RSPO3: variants seen among roughly 807,000 people sequenced by gnomAD.
RSPO3 encodes the protein R-spondin 3.
RSPO3 carries 17 observed loss-of-function variants against 36.5 expected under a neutral mutation model. The ratio of observed to expected loss-of-function variants is 0.47; its 90% CI spans 0.32 to 0.70. RSPO3 has a LOEUF of 0.70. RSPO3 is among the 30% of genes least tolerant of loss of function. The pLI is 0.04. For missense variants in RSPO3, 294 were observed against 322.5 expected, an observed-to-expected ratio of 0.91 and a Z score of 0.68; for synonymous variants, 108 against 107.0, an observed-to-expected ratio of 1.01 and a Z score of -0.06.
At chr6:127,130,107 T>C (rs189043791) in intron 1 of RSPO3, among the ~76,000 whole-genome samples, 1 of 152,212 alleles carries the variant, frequency 6.6e-6, no homozygotes, top group African/African-American at 2.4e-5. Context: ...AAGTAAGTGG[T>C]GCTATAATTT....
intron 1 of RSPO3, among the ~76,000 whole-genome samples, 176 bp from the exon 2 acceptor site, chr6:127,148,472 T>C (rs937628480): frequency 2.0e-5 from 3 of 151,768 alleles, no homozygotes; most frequent in Non-Finnish European, 4.4e-5. Flanking sequence ...AAACAATACA[T>C]GTGCTAAAGG....
intron 1 of RSPO3, among the ~76,000 whole-genome samples, chr6:127,130,953 C>G (rs1774039902): frequency 6.6e-6 from 1 of 152,044 alleles, no homozygotes; most frequent in Non-Finnish European, 1.5e-5. Context: ...TCATTTCATG[C>G]CATCCTCAAG....
At chr6:127,119,664 A>G (rs1161747363) in intron 1 of RSPO3, among the ~76,000 whole-genome samples, 1 of 152,234 alleles carries the variant, frequency 6.6e-6, no homozygotes, top group African/African-American at 2.4e-5. Flanking sequence ...CAGACGCAGG[A>G]TGCCTCTGAC....
intron 4 of RSPO3, among the ~76,000 whole-genome samples, chr6:127,193,394 G>A (rs1393722063): frequency 6.6e-6 from 1 of 152,176 alleles, no homozygotes; most frequent in African/African-American, 2.4e-5. Context: ...AAAACATTAT[G>A]GTTGGGATCA....
At chr6:127,162,244 T>C (rs1392471061) in intron 4 of RSPO3, among the ~76,000 whole-genome samples, 1 of 152,168 alleles carries the variant, frequency 6.6e-6, no homozygotes, top group East Asian at 1.9e-4. Flanking sequence ...ATTTTATCTC[T>C]TGGCAGGAGA....
intron 1 of RSPO3, among the ~76,000 whole-genome samples, chr6:127,128,832 G>A (rs1773994659): frequency 6.6e-6 from 1 of 152,070 alleles, no homozygotes; most frequent in South Asian, 2.1e-4. Context: ...ACAGATGCTG[G>A]CTTCATAGAA....
At chr6:127,171,208 G>T (rs923766013) in intron 4 of RSPO3, among the ~76,000 whole-genome samples, 2 of 151,814 alleles carry the variant, frequency 1.3e-5, no homozygotes, top group Admixed American at 1.3e-4. Flanking sequence ...ATCTGTATTT[G>T]ACATTCCTGT....
intron 4 of RSPO3, among the ~76,000 whole-genome samples, chr6:127,193,065 A>T (rs1216884650): frequency 2.0e-5 from 3 of 152,164 alleles, no homozygotes; most frequent in Non-Finnish European, 4.4e-5. Context: ...ATGGCCTGTA[A>T]AAAAATAACA....
Position 127,121,291 on chromosome 6 carries a change from G to C in RSPO3, c.97+2002G>C, listed in dbSNP as rs569460271. Among the ~76,000 whole-genome samples, 14 of 152,336 alleles carry C rather than the reference G, an allele frequency of 9.2e-5. No homozygotes were observed. In the South Asian group the frequency reaches 2.9e-3, roughly 32 times the overall value. On this transcript the variant is annotated intron_variant, in intron 1 of 4. Coordinates refer to ENST00000356698, the MANE Select transcript of RSPO3 (RefSeq NM_032784.5). ...GACCACGGCGCAGGAAGCTTTCCCC[G>C]GGCGCTGCCTCAGGGAGCTGTGGGA... is the stretch of plus-strand genomic sequence containing the variant.
chr6:127,147,887 A>C (rs964753447), intron 1 of RSPO3, among the ~76,000 whole-genome samples: 3 of 152,150 alleles, frequency 2.0e-5, no homozygotes, highest in African/African-American at 7.2e-5. Context: ...TATTGAACAT[A>C]AATTACCATA....
intron 4 of RSPO3, among the ~76,000 whole-genome samples, chr6:127,161,258 C>T (rs186175290): frequency 2.0e-5 from 3 of 152,130 alleles, no homozygotes; most frequent in Admixed American, 6.5e-5. Context: ...GAATTACAGC[C>T]AGCACCTTGA....
intron 3 of RSPO3, among the ~76,000 whole-genome samples, chr6:127,151,987 G>A (rs940257447): frequency 2.6e-5 from 4 of 152,034 alleles, no homozygotes; most frequent in African/African-American, 9.7e-5. Flanking sequence ...CCAGAAAAAA[G>A]GCACATATTT....
At chr6:127,172,001 T>C (rs1774946843) in intron 4 of RSPO3, among the ~76,000 whole-genome samples, 1 of 151,360 alleles carries the variant, frequency 6.6e-6, no homozygotes, top group South Asian at 2.1e-4. Flanking sequence ...TGAATGTATG[T>C]ATTGGAATAA....
rs1177715169 is a variant in RSPO3, at chr6:127,195,925, A to G, written c.737A>G (p.Glu246Gly). 2 of 1,613,452 alleles carry G rather than the reference A, an allele frequency of 1.2e-6. No homozygotes were observed. The highest frequency in any genetic ancestry group is 1.7e-6 in the Non-Finnish European group (2 of 1,179,534). The change falls in exon 5 of 5, where the codon GAG becomes GGG. Residue 246 changes from glutamate to glycine, a missense_variant. Transcript: ENST00000356698. Reference sequence around the variant, plus strand: ...CTGGAATCCAGCAAAGAAATCCCAGAGCAACGAGAAAACAAACAGCAGCAG... The same window carrying G: ...CTGGAATCCAGCAAAGAAATCCCAGGGCAACGAGAAAACAAACAGCAGCAG... ...KSLESSKEIP[E>G]QRENKQQQKK...
At chr6:127,125,078 T>C (rs1308459149) in intron 1 of RSPO3, among the ~76,000 whole-genome samples, 1 of 152,148 alleles carries the variant, frequency 6.6e-6, no homozygotes, top group Non-Finnish European at 1.5e-5. Flanking sequence ...GCATTTCTGC[T>C]TTATTTGTCA....
In RSPO3 at chr6:127,197,305, G is replaced by T; in HGVS notation, c.*1298G>T. 1 of 1,316,684 alleles carries T rather than the reference G, an allele frequency of 7.6e-7. No homozygotes were observed. The highest frequency in any genetic ancestry group is 1.0e-6 in the Non-Finnish European group (1 of 972,742). The allele number at this position is 1,316,684 out of a possible 1,614,324, so 81.6% of individuals were successfully genotyped here. ...TATAGACACATGGGCCTCCCTAGCT[G>T]ATTTCACTGCTCCCCCTTCATTGCT... On this transcript the variant is annotated 3_prime_UTR_variant, in exon 5 of 5. Coordinates refer to ENST00000356698, the MANE Select transcript of RSPO3 (RefSeq NM_032784.5).
At chr6:127,173,773 AAC>A (rs1264318735) in intron 4 of RSPO3, among the ~76,000 whole-genome samples, 3 of 151,818 alleles carry the variant, frequency 2.0e-5, no homozygotes. Context: ...GTTCTTTGGG[AAC>A]ACACAACTAT....
chr6:127,192,884 T>A (rs1052989165), intron 4 of RSPO3, among the ~76,000 whole-genome samples: 1 of 151,998 alleles, frequency 6.6e-6, no homozygotes, highest in Non-Finnish European at 1.5e-5. Flanking sequence ...CAATGAAAAG[T>A]CACCAGAATA....
intron 4 of RSPO3, among the ~76,000 whole-genome samples, chr6:127,155,903 C>T (rs1486805934): frequency 6.6e-6 from 1 of 150,758 alleles, no homozygotes; most frequent in Non-Finnish European, 1.5e-5. Flanking sequence ...CACACACACA[C>T]ACATATATAT....
Sources: gnomAD v4.1 joint callset for allele counts (sites outside exome capture counted in the v4.1 genomes callset) on GRCh38, gnomAD v4.1.1 for gene constraint, MANE v1.5 for transcripts, NCBI Gene and HGNC (gene_info 2026-07-23, HGNC 2026-07-21) for gene names.